EPB41L4B: variants seen among roughly 807,000 people sequenced by gnomAD.
EPB41L4B encodes the protein erythrocyte membrane protein band 4.1 like 4B, also known as band 4.1-like protein 4B.
Under a neutral mutation model 112.5 loss-of-function variants are expected in EPB41L4B, and 30 were observed. The ratio of observed to expected loss-of-function variants is 0.27; its 90% CI spans 0.20 to 0.36. EPB41L4B has a LOEUF of 0.36. Among genes scored for constraint, EPB41L4B ranks in the 10% least tolerant of loss-of-function variants. EPB41L4B has a pLI of 1.00. For missense variants in EPB41L4B, 1,024 were observed against 1,133.3 expected (o/e 0.90, Z 1.38); for synonymous variants, 408 against 439.7 (o/e 0.93, Z 0.90).
chr9:109,197,766 G>C (rs1832690961), intron 20 of EPB41L4B, among the ~76,000 whole-genome samples: 1 of 149,312 alleles, frequency 6.7e-6, no homozygotes, highest in South Asian at 2.1e-4. Flanking sequence ...GTTGCAGTGA[G>C]CCGAGATTGT....
At chr9:109,237,235 T>G (rs1291091627) in intron 15 of EPB41L4B, among the ~76,000 whole-genome samples, 1 of 152,182 alleles carries the variant, frequency 6.6e-6, no homozygotes, top group African/African-American at 2.4e-5. Flanking sequence ...TCAACAGAAA[T>G]GGTAGACCAA....
At chr9:109,244,492 C>T (rs1280610451) in intron 14 of EPB41L4B, among the ~76,000 whole-genome samples, 1 of 117,302 alleles carries the variant, frequency 8.5e-6, no homozygotes, top group East Asian at 2.8e-4. Context: ...GTCACCCAGG[C>T]TGGAGTGCAA....
In EPB41L4B at chr9:109,182,810, G is replaced by A; in HGVS notation, c.2419-13C>T. ...GGAATGTTTTTATCTTCAAAAGAGA[G>A]AAAGACAAGGGGGTTACCTTCAGAT... On this transcript the variant is annotated splice_polypyrimidine_tract_variant and intron_variant, in intron 23 of 25. Transcript: ENST00000374566. 1 of 1,583,636 alleles carries A rather than the reference G, an allele frequency of 6.3e-7. No individual in the cohort carries two copies. The highest frequency in any genetic ancestry group is 8.7e-7 in the Non-Finnish European group (1 of 1,152,526).
At chr9:109,264,798 G>C (rs527310144) in intron 5 of EPB41L4B, among the ~76,000 whole-genome samples, 182 bp downstream of exon 5, 1 of 152,300 alleles carries the variant, frequency 6.6e-6, no homozygotes, top group Admixed American at 6.5e-5. Context: ...AAGCCATATA[G>C]TAATCATTTA....
At chr9:109,254,685 T>C (rs1194023130) in intron 11 of EPB41L4B, among the ~76,000 whole-genome samples, 1 of 152,182 alleles carries the variant, frequency 6.6e-6, no homozygotes, top group Non-Finnish European at 1.5e-5. Context: ...TGCAAAGGTC[T>C]CAGATGAGGT....
rs1226544785 is a variant in EPB41L4B at position 109,262,450 on chromosome 9, GGGGTGTGT to G, written c.631+592_631+599del. On this transcript the variant is annotated intron_variant, in intron 6 of 25. Coordinates refer to ENST00000374566, the MANE Select transcript of EPB41L4B (RefSeq NM_019114.5). ...CCAATGCTATTTCTTGGTGTGTGTG[GGGGTGTGT>G]GTGTGTGTGTGTGTGTGTGTGCAAA... is the stretch of plus-strand genomic sequence containing the variant. 5.9e-4 allele frequency among the ~76,000 whole-genome samples: 6 copies of G among 10,130 alleles called. No homozygotes were observed. The South Asian group carries it at 0.025, about 42-fold the overall frequency. The allele number at this position is 10,130 out of a possible 152,430, so 6.6% of individuals were successfully genotyped here.
At chr9:109,292,929 C>T (rs532194784) in intron 1 of EPB41L4B, among the ~76,000 whole-genome samples, 4 of 152,334 alleles carry the variant, frequency 2.6e-5, no homozygotes, top group East Asian at 1.9e-4. Context: ...GCCACAAGCA[C>T]GTGTGCCAGT....
At chr9:109,311,320 G>A (rs1041670466) in intron 1 of EPB41L4B, among the ~76,000 whole-genome samples, 1 of 152,206 alleles carries the variant, frequency 6.6e-6, no homozygotes, top group African/African-American at 2.4e-5. Flanking sequence ...GCACCTGAGC[G>A]AATGCTATGC....
intron 19 of EPB41L4B, among the ~76,000 whole-genome samples, chr9:109,202,180 T>A (rs7038965): frequency 0.88 from 133,732 of 152,168 alleles, 58,841 homozygotes; most frequent in African/African-American, 0.91. Flanking sequence ...AAGAATGGAA[T>A]CCAGGTGAAG....
intron 12 of EPB41L4B, 47 bp downstream of exon 12, chr9:109,253,394 A>C: frequency 7.3e-7 from 1 of 1,365,844 alleles, no homozygotes; most frequent in Non-Finnish European, 1.0e-6. Flanking sequence ...GGCTTAAATG[A>C]CTCAAGCATA....
At chr9:109,314,829 G>C (rs2119282540) in intron 1 of EPB41L4B, among the ~76,000 whole-genome samples, 1 of 152,282 alleles carries the variant, frequency 6.6e-6, no homozygotes, top group South Asian at 2.1e-4. Flanking sequence ...AGAGCCCTGG[G>C]ATAAGCCAGT....
intron 1 of EPB41L4B, among the ~76,000 whole-genome samples, chr9:109,313,903 A>G (rs1200954236): frequency 6.6e-6 from 1 of 152,260 alleles, no homozygotes; most frequent in Non-Finnish European, 1.5e-5. Flanking sequence ...TATGAAATAA[A>G]GCACAGATGA....
chr9:109,248,733 C>T (rs1170855377), intron 13 of EPB41L4B, among the ~76,000 whole-genome samples: 3 of 152,086 alleles, frequency 2.0e-5, no homozygotes, highest in Admixed American at 2.0e-4. Context: ...GCATGAGCCA[C>T]TGTGCTTGGC....
Position 109,216,914 on chromosome 9 carries a change from C to A in EPB41L4B, c.1633+8G>T. The A allele has an allele frequency of 6.2e-7, 1 of 1,613,542 alleles. No individual in the cohort carries two copies. Among genetic ancestry groups the A allele is most frequent in the Non-Finnish European group, 8.5e-7 (1 of 1,179,480 alleles). On this transcript the variant is annotated splice_region_variant and intron_variant, in intron 16 of 25. Transcript: ENST00000374566. ...TTCTCCTGCCTTGCCCCCTCCACCC[C>A]TACTCACTTGTAAGGGACTTGCTGC...
rs918631326 is a variant in EPB41L4B at position 109,173,498 on chromosome 9, G to C, written c.*1056C>G. 2.0e-5 allele frequency: 3 copies of C among 152,460 alleles called. No individual in the cohort carries two copies. The highest frequency in any genetic ancestry group is 4.4e-5 in the Non-Finnish European group (3 of 68,014). 9.4% of individuals were successfully genotyped at this position (152,460 alleles called of 1,614,324 possible). A position where few individuals can be genotyped will look rare whatever the true frequency, so the allele number is the denominator to read the frequency against. Reference sequence around the variant, plus strand: ...CTCAAATATCTAATAATGGGGTGAAGTGAGGTTACCCATGTTACATGGATA... The same window carrying C: ...CTCAAATATCTAATAATGGGGTGAACTGAGGTTACCCATGTTACATGGATA... On this transcript the variant is annotated 3_prime_UTR_variant, in exon 26 of 26. Transcript: ENST00000374566.
chr9:109,205,929 C>T (rs1333958344), intron 18 of EPB41L4B, among the ~76,000 whole-genome samples: 1 of 152,174 alleles, frequency 6.6e-6, no homozygotes, highest in Non-Finnish European at 1.5e-5. Context: ...TTGTGTTCTA[C>T]ATCTTACTGC....
chr9:109,210,503 A>T (rs1034295748), intron 17 of EPB41L4B, among the ~76,000 whole-genome samples: 3 of 152,244 alleles, frequency 2.0e-5, no homozygotes, highest in Non-Finnish European at 4.4e-5. Context: ...TTCAAAAAAT[A>T]GAATGCTGCT....
intron 15 of EPB41L4B, among the ~76,000 whole-genome samples, chr9:109,221,761 G>A (rs983592584): frequency 9.9e-5 from 15 of 152,206 alleles, no homozygotes; most frequent in African/African-American, 3.4e-4. Context: ...AAGAGTGTGA[G>A]AATGAACACC....
chr9:109,309,755 C>CACAGAGAGAGAGAGAGAGAG (rs1469457835), intron 1 of EPB41L4B, among the ~76,000 whole-genome samples: 1 of 142,136 alleles, frequency 7.0e-6, no homozygotes, highest in African/African-American at 2.6e-5. Context: ...AATACACACA[C>CACAGAGAGAGAGAGAGAGAG]AGAGAGAGAG....
Sources: allele counts gnomAD v4.1 joint callset (sites outside exome capture counted in the v4.1 genomes callset), GRCh38; gene constraint gnomAD v4.1.1; transcripts MANE v1.5; gene names NCBI Gene and HGNC (gene_info 2026-07-23, HGNC 2026-07-21).